The following HSP90B1 variants were observed in gnomAD, a reference collection of about 807,000 sequenced individuals.
HSP90B1 encodes endoplasmin.
A neutral mutation model predicts 100.4 loss-of-function variants in HSP90B1; 27 were observed. The ratio of observed to expected loss-of-function variants is 0.27; its 90% confidence interval spans 0.20 to 0.37. The LOEUF is 0.37. HSP90B1 is among the 10% of genes least tolerant of loss of function. HSP90B1 has a pLI of 1.00. For synonymous variants in HSP90B1, 304 were observed against 330.8 expected, an observed-to-expected ratio of 0.92 and a Z score of 0.88; for missense variants, 678 against 960.5, an observed-to-expected ratio of 0.71 and a Z score of 3.89.
Position 103,930,599 on chromosome 12 carries a change from C to A in HSP90B1, c.49+35C>A. On this transcript the variant is annotated intron_variant, in intron 1 of 17. Transcript: ENST00000299767. The surrounding 1 kb of genome is among the most constrained non-coding windows in gnomAD (Gnocchi z 4.4). ...TCTGGAGGAGCAGACGTCCCCCCTC[C>A]ACACACGCGGCCGCTTCTCGAAGGT... is the stretch of plus-strand genomic sequence containing the variant. The A allele has an allele frequency of 6.3e-7, 1 of 1,588,094 alleles. No homozygotes were observed. Among genetic ancestry groups the A allele is most frequent in the Non-Finnish European group, 8.6e-7 (1 of 1,167,958 alleles).
Position 103,947,292 on chromosome 12 carries a change from C to T in HSP90B1, c.2263-19C>T, listed in dbSNP as rs113381046. ...AAATAAATCCAAGGCATTAATGGGC[C>T]CATAAATGTTGTGTTTAGGTGGAAG... On this transcript the variant is annotated intron_variant, in intron 16 of 17. Coordinates refer to ENST00000299767, the MANE Select transcript of HSP90B1 (RefSeq NM_003299.3). 7,200 of 1,567,002 alleles carry T rather than the reference C, an allele frequency of 4.6e-3. 24 individuals carry two copies. The highest frequency in any genetic ancestry group is 0.016 in the Middle Eastern group (96 of 5,820).
At position 103,930,665 on chromosome 12, in the gene HSP90B1, G is replaced by A; in HGVS notation, c.49+101G>A. On this transcript the variant is annotated intron_variant, in intron 1 of 17. Transcript: ENST00000299767. This position sits in a 1 kb window ranked among gnomAD's most constrained non-coding sequence, Gnocchi z 4.4. ...CGTGGGAGGGGGGATCCCGGGGCCT[G>A]CGGTGGGCCAAGGGACGTCACCATT... 8.7e-7 allele frequency: 1 copy of A among 1,148,424 alleles called. No homozygotes were observed. The allele number at this position is 1,148,424 out of a possible 1,614,324, so 71.1% of individuals were successfully genotyped here. A position where few individuals can be genotyped will look rare whatever the true frequency, so the allele number is the denominator to read the frequency against.
At chr12:103,938,202 T>G (rs1593489450) in intron 6 of HSP90B1, 138 bp from the exon 7 acceptor site, 12 of 621,502 alleles carry the variant, frequency 1.9e-5, no homozygotes. Flanking sequence ...AGGCAAAATG[T>G]GGTCTATTAG....
At chr12:103,941,363 C>T (rs980123430) in intron 8 of HSP90B1, 47 bp from the exon 9 acceptor site, 3 of 1,594,486 alleles carry the variant, frequency 1.9e-6, no homozygotes, top group Non-Finnish European at 2.6e-6. Context: ...TCTTGCACTG[C>T]TTTTCTCCTG....
chr12:103,933,458 A>G (rs1221389976), intron 4 of HSP90B1, among the ~76,000 whole-genome samples: 2 of 152,344 alleles, frequency 1.3e-5, no homozygotes, highest in East Asian at 3.9e-4. Context: ...TTTACAACTC[A>G]TTGGCCATTT....
intron 5 of HSP90B1, among the ~76,000 whole-genome samples, chr12:103,937,067 C>T (rs183417695): frequency 3.9e-5 from 6 of 152,218 alleles, no homozygotes; most frequent in South Asian, 2.1e-4. Context: ...CCGCACTGCC[C>T]GGTAGAATTT....
chr12:103,946,386 G>T (rs1432506757), intron 14 of HSP90B1, among the ~76,000 whole-genome samples: 1 of 152,104 alleles, frequency 6.6e-6, no homozygotes, highest in African/African-American at 2.4e-5. Flanking sequence ...CAAGAATACG[G>T]TATTTTCTAT....
chr12:103,932,675 C>T (rs1387459178), intron 3 of HSP90B1, 151 bp from the exon 4 acceptor site: 1 of 671,190 alleles, frequency 1.5e-6, no homozygotes, highest in East Asian at 2.5e-5. Context: ...ATAAACTAAA[C>T]TTCTTGCATT....
chr12:103,941,618 G>C lies in HSP90B1; in HGVS notation c.1231-11G>C. The stretch of plus-strand genomic sequence containing the variant: ...AATTTCCAGAAAGTGACTTTTTTTT[G>C]GTCTCTTTAGCTCTATGTGCGCCGT... On this transcript the variant is annotated splice_polypyrimidine_tract_variant and intron_variant, in intron 9 of 17. Coordinates refer to ENST00000299767, the MANE Select transcript of HSP90B1 (RefSeq NM_003299.3). 6.2e-7 allele frequency: 1 copy of C among 1,611,662 alleles called. No individual in the cohort carries two copies. Among genetic ancestry groups the C allele is most frequent in the Non-Finnish European group, 8.5e-7 (1 of 1,179,200 alleles).
At position 103,933,224 on chromosome 12, in the gene HSP90B1, C is replaced by CTA. The variant is rs1370490137; in HGVS notation, c.411+282_411+283insTA. Among the ~76,000 whole-genome samples the CTA allele has an allele frequency of 2.0e-5, 3 of 152,248 alleles. No homozygotes were observed. The East Asian group carries it at 5.8e-4, about 29-fold the overall frequency. ...AACAGAGAACATAAATCTCCCAAAGCCTAAAATATTTACTGTGTGGCCCTT... is the reference window on the plus strand; with the variant it reads ...AACAGAGAACATAAATCTCCCAAAGCTACTAAAATATTTACTGTGTGGCCCTT... On this transcript the variant is annotated intron_variant, in intron 4 of 17. Coordinates refer to ENST00000299767, the MANE Select transcript of HSP90B1 (RefSeq NM_003299.3).
chr12:103,937,338 G>C (rs1869947189), intron 5 of HSP90B1, among the ~76,000 whole-genome samples: 1 of 152,192 alleles, frequency 6.6e-6, no homozygotes, highest in South Asian at 2.1e-4. Flanking sequence ...TAGGTTTCTG[G>C]AATAACAGTA....
At chr12:103,938,755 C>G (rs1178987095) in intron 7 of HSP90B1, 1 of 169,278 alleles carries the variant, frequency 5.9e-6, no homozygotes, top group Non-Finnish European at 1.3e-5. Context: ...TCTGAGTCCT[C>G]TTTTGTCTTT....
rs968806716 is a variant in HSP90B1 at position 103,947,230 on chromosome 12, T to C, written c.2263-81T>C. 13 of 1,477,120 alleles carry C rather than the reference T, an allele frequency of 8.8e-6. No homozygotes were observed. The African/African-American group carries it at 1.6e-4, about 18-fold the overall frequency. 91.5% of individuals were successfully genotyped at this position (1,477,120 alleles called of 1,614,324 possible). A position where few individuals can be genotyped will look rare whatever the true frequency, so the allele number is the denominator to read the frequency against. On this transcript the variant is annotated intron_variant, in intron 16 of 17. Coordinates refer to ENST00000299767, the MANE Select transcript of HSP90B1 (RefSeq NM_003299.3). ...TGGTTCTGAATAAACAGAAGTGACA[T>C]TAATTATGATTTTATACATATAAAT...
intron 7 of HSP90B1, among the ~76,000 whole-genome samples, chr12:103,938,945 C>T (rs1347078862): frequency 6.6e-6 from 1 of 152,084 alleles, no homozygotes; most frequent in Non-Finnish European, 1.5e-5. Context: ...TTTCAAGAAA[C>T]ATTTTTGCTA....
chr12:103,946,033 C>T (rs908788326), intron 14 of HSP90B1, among the ~76,000 whole-genome samples: 4 of 152,146 alleles, frequency 2.6e-5, no homozygotes, highest in Non-Finnish European at 5.9e-5. Context: ...TAGGTAAAGT[C>T]GTGCCGTATT....
chr12:103,938,793 T>C (rs547462232), intron 7 of HSP90B1: 105 of 157,158 alleles, frequency 6.7e-4, no homozygotes, highest in African/African-American at 2.4e-3. Flanking sequence ...ACCATAAAAA[T>C]GGTTCTCTGG....
intron 2 of HSP90B1, chr12:103,932,049 ATT>A: frequency 4.8e-6 from 2 of 412,718 alleles, no homozygotes; most frequent in Middle Eastern, 6.6e-4. Context: ...GAAAGTTGGG[ATT>A]TTTTTTTTTC....
chr12:103,940,113 C>T (rs1035836904), intron 8 of HSP90B1, among the ~76,000 whole-genome samples: 2 of 152,122 alleles, frequency 1.3e-5, no homozygotes, highest in Admixed American at 1.3e-4. Context: ...GAGAAGGCAT[C>T]TGTAGCCTTC....
intron 4 of HSP90B1, among the ~76,000 whole-genome samples, 164 bp from the exon 5 acceptor site, chr12:103,933,792 T>C (rs1869830576): frequency 6.6e-6 from 1 of 152,240 alleles, no homozygotes; most frequent in Non-Finnish European, 1.5e-5. Context: ...TACTTTAAGA[T>C]GTACACTTTC....
Sources: allele counts gnomAD v4.1 joint callset (sites outside exome capture counted in the v4.1 genomes callset), GRCh38; gene constraint gnomAD v4.1.1; non-coding constraint Gnocchi (gnomAD v3.1); transcripts MANE v1.5; gene names NCBI Gene and HGNC (gene_info 2026-07-23, HGNC 2026-07-21).